The following SRRM3 variants were observed in gnomAD, a reference collection of about 807,000 sequenced individuals.
The protein encoded by SRRM3 is serine/arginine repetitive matrix protein 3.
In SRRM3, 27 loss-of-function variants were observed where a neutral mutation model predicts 66.2. The ratio of observed to expected loss-of-function variants is 0.41; its 90% confidence interval spans 0.30 to 0.56. The LOEUF (loss-of-function observed/expected upper bound fraction) is 0.56. Ranked by LOEUF, SRRM3 falls within the 20% of genes least tolerant of loss-of-function variation. The pLI is 0.32. For missense variants in SRRM3, 918 were observed against 991.9 expected (o/e 0.93, Z 1.00); for synonymous variants, 391 against 414.9 (o/e 0.94, Z 0.70).
At chr7:76,267,703 G>C (rs1802109530) in intron 11 of SRRM3, 1 of 364,628 alleles carries the variant, frequency 2.7e-6, no homozygotes, top group East Asian at 4.2e-5. Context: ...CTGAAGGCCA[G>C]AGGGGGGTTG....
intron 11 of SRRM3, among the ~76,000 whole-genome samples, chr7:76,279,465 G>A (rs1247584479): frequency 3.3e-5 from 5 of 150,476 alleles, no homozygotes; most frequent in African/African-American, 1.2e-4. Flanking sequence ...GTGATCGGAG[G>A]ATTTTCGGGG....
chr7:76,231,363 A>C (rs1417382400), intron 1 of SRRM3, among the ~76,000 whole-genome samples: 1 of 152,154 alleles, frequency 6.6e-6, no homozygotes, highest in African/African-American at 2.4e-5. Flanking sequence ...ACCCTGGGCA[A>C]CCTAGCATTG....
intron 1 of SRRM3, among the ~76,000 whole-genome samples, chr7:76,231,718 G>C (rs527724294): frequency 6.6e-6 from 1 of 152,204 alleles, no homozygotes; most frequent in South Asian, 2.1e-4. Flanking sequence ...ACTGAATCTC[G>C]GTATCTAAAT....
chr7:76,216,308 A>G (rs1298606689), intron 1 of SRRM3, among the ~76,000 whole-genome samples: 1 of 151,576 alleles, frequency 6.6e-6, no homozygotes, highest in Non-Finnish European at 1.5e-5. Context: ...CGGCCTCCCA[A>G]AGTGCTGGGA....
chr7:76,268,708 C>A (rs1448462173), intron 11 of SRRM3: 2 of 152,386 alleles, frequency 1.3e-5, no homozygotes, highest in African/African-American at 4.8e-5. Context: ...ACTGTCCCAC[C>A]TGGACCAGGC....
chr7:76,202,796 C>G (rs1425902892), intron 1 of SRRM3, among the ~76,000 whole-genome samples: 1 of 152,064 alleles, frequency 6.6e-6, no homozygotes, highest in African/African-American at 2.4e-5. Context: ...GCCTTGCCTC[C>G]GCCTCCCCCT....
chr7:76,210,131 G>C (rs782797241), intron 1 of SRRM3, among the ~76,000 whole-genome samples: 4 of 152,180 alleles, frequency 2.6e-5, no homozygotes, highest in Non-Finnish European at 5.9e-5. Context: ...GGATACCAGA[G>C]ACATGCCTCT....
chr7:76,283,855 G>C, intron 14 of SRRM3: 1 of 985,222 alleles, frequency 1.0e-6, no homozygotes, highest in Non-Finnish European at 1.2e-6. Flanking sequence ...GTCTGCCTTT[G>C]TGGAAATCAC....
At chr7:76,267,763 G>C (rs934950444) in intron 11 of SRRM3, 2 of 279,744 alleles carry the variant, frequency 7.1e-6, no homozygotes, top group African/African-American at 2.2e-5. Flanking sequence ...TCAGGGTCTC[G>C]TGCCCTCCCC....
At chr7:76,248,662 G>C (rs2117027966) in intron 3 of SRRM3, among the ~76,000 whole-genome samples, 1 of 152,288 alleles carries the variant, frequency 6.6e-6, no homozygotes, top group African/African-American at 2.4e-5. Context: ...CCCCAGGCAA[G>C]CCCTGATGAT....
intron 5 of SRRM3, among the ~76,000 whole-genome samples, 175 bp from the exon 6 acceptor site, chr7:76,260,699 G>A (rs1177464505): frequency 6.6e-6 from 1 of 151,950 alleles, no homozygotes; most frequent in East Asian, 1.9e-4. Context: ...CCCTCCCAGG[G>A]GTCCCGTGCC....
At chr7:76,214,053 C>A (rs1554602246) in intron 1 of SRRM3, among the ~76,000 whole-genome samples, 1 of 152,104 alleles carries the variant, frequency 6.6e-6, no homozygotes, top group African/African-American at 2.4e-5. Context: ...GTTGGGATTA[C>A]AGGCGTGAAC....
rs1267773616 is a variant in SRRM3 at position 76,265,399 on chromosome 7, G to A, written c.761G>A (p.Arg254His). The A allele has an allele frequency of 1.9e-6, 3 of 1,604,360 alleles. No individual in the cohort carries two copies. Among genetic ancestry groups the A allele is most frequent in the Non-Finnish European group, 1.7e-6 (2 of 1,175,960 alleles). ...GAGTCCCCAGGCCGGAGGTCTCATC[G>A]CCATAGCAGTGGCAGCTCCCACAGC... ...HTESPGRRSH[R>H]HSSGSSHSPS... The change falls in exon 10 of 15, where the codon CGC becomes CAC. Residue 254 changes from arginine (R) to histidine (H), a missense_variant. Coordinates refer to ENST00000611745, the MANE Select transcript of SRRM3 (RefSeq NM_001110199.3).
In SRRM3 at chr7:76,260,188, G is replaced by A. The variant is rs1256506112; in HGVS notation, c.536G>A (p.Arg179Gln). 5.8e-6 allele frequency: 9 copies of A among 1,539,150 alleles called. No homozygotes were observed. Among genetic ancestry groups the A allele is most frequent in the African/African-American group, 2.8e-5 (2 of 71,136 alleles). The change falls in exon 5 of 15, where the codon CGG becomes CAG. Residue 179 changes from arginine to glutamine, a missense_variant. Coordinates refer to ENST00000611745, the MANE Select transcript of SRRM3 (RefSeq NM_001110199.3). ...AAGAAGAAAAAGAAAGGCGGCCACC[G>A]GAGAAGCCGGTGAGAACCGCGCCTG... Reference protein sequence around the residue: ...KKKKKKKGGHRRSRKKRRLES... With the variant: ...KKKKKKKGGHQRSRKKRRLES...
In SRRM3 at chr7:76,286,084, C is replaced by T; in HGVS notation, c.*241C>T. Reference sequence around the variant, plus strand: ...TCCCACCTCCTGTCCACCCACTGTGCCCGGGGAACAAAGAGCCGTTACGAA... The same window carrying T: ...TCCCACCTCCTGTCCACCCACTGTGTCCGGGGAACAAAGAGCCGTTACGAA... On this transcript the variant is annotated 3_prime_UTR_variant, in exon 15 of 15. Coordinates refer to ENST00000611745, the MANE Select transcript of SRRM3 (RefSeq NM_001110199.3). 1 of 578,016 alleles carries T rather than the reference C, an allele frequency of 1.7e-6. No individual in the cohort carries two copies. The highest frequency in any genetic ancestry group is 3.2e-6 in the Non-Finnish European group (1 of 316,908). The allele number at this position is 578,016 out of a possible 1,614,324, so 35.8% of individuals were successfully genotyped here.
chr7:76,221,359 CTTT>C (rs781915041), intron 1 of SRRM3, among the ~76,000 whole-genome samples: 3 of 95,366 alleles, frequency 3.1e-5, no homozygotes, highest in Non-Finnish European at 1.8e-5. Context: ...CTGCCCTCCT[CTTT>C]TTTTTTTTTT....
intron 11 of SRRM3, among the ~76,000 whole-genome samples, chr7:76,276,906 C>T (rs1203195174): frequency 6.6e-6 from 1 of 152,210 alleles, no homozygotes; most frequent in Non-Finnish European, 1.5e-5. Flanking sequence ...GTTGGTTGTA[C>T]TCTGAAAAGT....
intron 1 of SRRM3, among the ~76,000 whole-genome samples, chr7:76,210,155 C>A (rs983604465): frequency 3.9e-5 from 6 of 152,158 alleles, no homozygotes; most frequent in Admixed American, 6.5e-5. Context: ...AGCTGGGCAA[C>A]CTGCCCCCTA....
intron 3 of SRRM3, among the ~76,000 whole-genome samples, chr7:76,250,670 C>A (rs1009055853): frequency 1.3e-4 from 20 of 152,182 alleles, no homozygotes; most frequent in African/African-American, 4.8e-4. Flanking sequence ...ACTTAATCCT[C>A]ATCTCTCTGG....
Sources: allele counts gnomAD v4.1 joint callset (sites outside exome capture counted in the v4.1 genomes callset), GRCh38; gene constraint gnomAD v4.1.1; transcripts MANE v1.5; gene names NCBI Gene and HGNC (gene_info 2026-07-23, HGNC 2026-07-21).